Variants in DENND1B observed in about 807,000 individuals in gnomAD.
DENND1B encodes DENN domain-containing protein 1B.
A neutral mutation model predicts 90.1 loss-of-function variants in DENND1B; 59 were observed. The observed-to-expected ratio is 0.65, with a 90% CI of 0.53 to 0.81. DENND1B has a LOEUF of 0.81. DENND1B is among the 40% of genes least tolerant of loss of function. The pLI is 0.00. For missense variants in DENND1B, 862 were observed against 912.6 expected (o/e 0.94, Z 0.71); for synonymous variants, 337 against 324.6 (o/e 1.04, Z -0.41).
intron 22 of DENND1B, 57 bp from the exon 23 acceptor site, chr1:197,511,029 T>C: frequency 7.2e-7 from 1 of 1,392,792 alleles, no homozygotes; most frequent in Non-Finnish European, 9.4e-7. Flanking sequence ...TTAATTTAGT[T>C]CTTTTTTCTC....
rs1235196174 is a variant in DENND1B, at chr1:197,672,023, C to T, written c.296+14G>A. On this transcript the variant is annotated intron_variant, in intron 5 of 22. Transcript: ENST00000620048. ...CCTATTTTGCATCTAATTTTTTTTA[C>T]TACAAATACTCACCTAAGGATGCAT... The T allele has an allele frequency of 1.2e-5, 20 of 1,606,078 alleles. 1 individual carries two copies. In the South Asian group the frequency reaches 1.6e-4, roughly 13 times the overall value.
In DENND1B at chr1:197,510,557, C is replaced by T; in HGVS notation, c.2231G>A (p.Gly744Glu). 6.2e-7 allele frequency: 1 copy of T among 1,612,674 alleles called. No individual in the cohort carries two copies. The highest frequency in any genetic ancestry group is 8.5e-7 in the Non-Finnish European group (1 of 1,179,172). Residue 744 changes from glycine (G) to glutamate (E), a missense_variant, in exon 23 of 23, where the codon GGA (glycine) becomes GAA (glutamate). By Grantham distance (98) the Gly-to-Glu change is moderately conservative (BLOSUM62 -2). Coordinates refer to ENST00000620048, the MANE Select transcript of DENND1B (RefSeq NM_001195215.2). ...KEAKETSEDI[G>E]LLHEVVSLCH... ...TAATGACACTACTTCATGGAGCAGT[C>T]CAATATCTTCTGAAGTCTCTTTGGC... is the stretch of plus-strand genomic sequence containing the variant.
chr1:197,567,721 T>C (rs1278334267), intron 15 of DENND1B, among the ~76,000 whole-genome samples: 1 of 152,072 alleles, frequency 6.6e-6, no homozygotes, highest in African/African-American at 2.4e-5. Flanking sequence ...AACCTTATGA[T>C]CACATCAACA....
At chr1:197,658,184 G>T in intron 6 of DENND1B, 116 bp downstream of exon 6, 3 of 823,328 alleles carry the variant, frequency 3.6e-6, no homozygotes, top group Admixed American at 2.1e-5. Context: ...GATGATTGCA[G>T]ATCAACATTA....
rs149908875 is a variant in DENND1B at position 197,704,656 on chromosome 1, C to T, written c.126+10375G>A. On this transcript the variant is annotated intron_variant, in intron 3 of 22. Coordinates refer to ENST00000620048, the MANE Select transcript of DENND1B (RefSeq NM_001195215.2). The stretch of plus-strand genomic sequence containing the variant: ...AAGAAGGAAAACATACTGCGAGAAG[C>T]GTATAATAAACCAGTGCCTACGGGT... 4.7e-3 allele frequency among the ~76,000 whole-genome samples: 718 copies of T among 152,224 alleles called. 10 individuals are homozygous for T. Among genetic ancestry groups the T allele is most frequent in the African/African-American group, 0.015 (629 of 41,554 alleles).
At chr1:197,744,747 G>C (rs987041643) in intron 2 of DENND1B, among the ~76,000 whole-genome samples, 1 of 152,202 alleles carries the variant, frequency 6.6e-6, no homozygotes, top group East Asian at 1.9e-4. Flanking sequence ...TCAGAAGGCA[G>C]TAACTGACTT....
At chr1:197,526,660 A>G (rs893655100) in intron 20 of DENND1B, among the ~76,000 whole-genome samples, 1 of 152,154 alleles carries the variant, frequency 6.6e-6, no homozygotes, top group Non-Finnish European at 1.5e-5. Context: ...CAACTTTAAA[A>G]TGTCTCAAAA....
chr1:197,620,403 A>G (rs1371457175), intron 10 of DENND1B, among the ~76,000 whole-genome samples: 1 of 151,254 alleles, frequency 6.6e-6, no homozygotes, highest in African/African-American at 2.4e-5. Flanking sequence ...AAATATAACC[A>G]TGTCTCAGTT....
intron 13 of DENND1B, among the ~76,000 whole-genome samples, chr1:197,599,445 C>T (rs535890809): frequency 6.6e-6 from 1 of 151,774 alleles, no homozygotes; most frequent in African/African-American, 2.4e-5. Context: ...AGATAATCTA[C>T]ACAACCTAAA....
Position 197,511,870 on chromosome 1 carries a change from T to A in DENND1B, c.1673A>T (p.Lys558Met). ...GTCCATTTCACCTGAGTAAGGAGTC[T>A]TCACTCTTGTTTCAACAGAGTCATC... ...ESDDSVETRV[K>M]TPYSGEMDLL... The change falls in exon 22 of 23, where the codon AAG becomes ATG. Residue 558 changes from lysine to methionine, a missense_variant. Lys to Met is a moderately conservative substitution (Grantham distance 95, BLOSUM62 -1). Coordinates refer to ENST00000620048, the MANE Select transcript of DENND1B (RefSeq NM_001195215.2). The A allele has an allele frequency of 6.2e-7, 1 of 1,611,340 alleles. No homozygotes were observed. Among genetic ancestry groups the A allele is most frequent in the East Asian group, 2.2e-5 (1 of 44,798 alleles).
intron 15 of DENND1B, among the ~76,000 whole-genome samples, chr1:197,564,698 T>A (rs967369319): frequency 6.6e-6 from 1 of 151,968 alleles, no homozygotes; most frequent in Non-Finnish European, 1.5e-5. Flanking sequence ...ATTTTAGTGT[T>A]CTTACTTTTT....
intron 2 of DENND1B, among the ~76,000 whole-genome samples, chr1:197,762,681 C>G (rs1303385537): frequency 6.6e-6 from 1 of 152,018 alleles, no homozygotes; most frequent in African/African-American, 2.4e-5. Context: ...TATTTTGTGT[C>G]TTTTGACCTA....
intron 2 of DENND1B, among the ~76,000 whole-genome samples, chr1:197,767,069 C>T (rs1435713218): frequency 6.6e-6 from 1 of 152,050 alleles, no homozygotes; most frequent in Non-Finnish European, 1.5e-5. Flanking sequence ...GCTGGAATTA[C>T]AGGTGTGAGC....
chr1:197,759,098 T>C (rs1654679034), intron 2 of DENND1B, among the ~76,000 whole-genome samples: 1 of 149,970 alleles, frequency 6.7e-6, no homozygotes, highest in Non-Finnish European at 1.5e-5. Flanking sequence ...GCCTCCCAAA[T>C]AGCTGGGGAC....
intron 13 of DENND1B, among the ~76,000 whole-genome samples, chr1:197,602,344 G>A (rs1676284890): frequency 6.6e-6 from 1 of 151,452 alleles, no homozygotes; most frequent in Non-Finnish European, 1.5e-5. Flanking sequence ...AGATGCCTGA[G>A]TTCTAACAAT....
chr1:197,778,955 C>G (rs1228893787), upstream of DENND1B, among the ~76,000 whole-genome samples: 1 of 152,116 alleles, frequency 6.6e-6, no homozygotes, highest in African/African-American at 2.4e-5. Context: ...CACCCTCTCT[C>G]AAACAATACA....
At chr1:197,520,743 C>T (rs963931694) in intron 20 of DENND1B, among the ~76,000 whole-genome samples, 1 of 151,820 alleles carries the variant, frequency 6.6e-6, no homozygotes, top group African/African-American at 2.4e-5. Context: ...AGTTTTATAT[C>T]ATTCTGATAC....
intron 15 of DENND1B, among the ~76,000 whole-genome samples, chr1:197,571,853 G>A (rs1270349596): frequency 6.6e-6 from 1 of 152,146 alleles, no homozygotes; most frequent in Admixed American, 6.5e-5. Context: ...GAAGACTTTA[G>A]AGAGGTGAAA....
chr1:197,641,461 T>C lies in DENND1B; in HGVS notation c.672+1250A>G, dbSNP rs1009897907. 6.6e-5 allele frequency among the ~76,000 whole-genome samples: 10 copies of C among 152,302 alleles called. No homozygotes were observed. The East Asian group carries it at 1.9e-3, about 29-fold the overall frequency. On this transcript the variant is annotated intron_variant, in intron 10 of 22. Coordinates refer to ENST00000620048, the MANE Select transcript of DENND1B (RefSeq NM_001195215.2). ...TACTTGTGTCATTGACTAGCACTTA[T>C]TCTCTGATATTACTGCATCATTTAT... is the stretch of plus-strand genomic sequence containing the variant.
Sources: allele counts gnomAD v4.1 joint callset (sites outside exome capture counted in the v4.1 genomes callset), GRCh38; gene constraint gnomAD v4.1.1; transcripts MANE v1.5; gene names NCBI Gene and HGNC (gene_info 2026-07-23, HGNC 2026-07-21).